Variants in CDYL2 observed in about 807,000 individuals in gnomAD.
CDYL2 encodes chromodomain Y-like protein 2.
In CDYL2, 23 loss-of-function variants were observed where a neutral mutation model predicts 49.4. The ratio of observed to expected loss-of-function variants is 0.47; its 90% CI spans 0.34 to 0.66. CDYL2 has a LOEUF of 0.66. Ranked by LOEUF, CDYL2 falls within the 30% of genes least tolerant of loss-of-function variation. The probability of loss-of-function intolerance (pLI) is 0.01; values close to 1 mark genes in which losing one functional copy is unlikely to be tolerated. For synonymous variants in CDYL2, 360 were observed against 268.8 expected (o/e 1.34, Z -3.32); for missense variants, 678 against 656.4 (o/e 1.03, Z -0.36).
intron 3 of CDYL2, among the ~76,000 whole-genome samples, chr16:80,621,417 G>A (rs1448387020): frequency 6.6e-6 from 1 of 152,190 alleles, no homozygotes; most frequent in Non-Finnish European, 1.5e-5. Context: ...GGTGCCACAT[G>A]GCAAGTGGGC....
chr16:80,675,040 A>T (rs1909686512), intron 2 of CDYL2, among the ~76,000 whole-genome samples: 1 of 152,210 alleles, frequency 6.6e-6, no homozygotes, highest in Admixed American at 6.5e-5. Context: ...GGCCCTAAGG[A>T]AAATCACCAG....
intron 1 of CDYL2, among the ~76,000 whole-genome samples, chr16:80,701,240 T>A (rs1294473292): frequency 6.6e-6 from 1 of 152,236 alleles, no homozygotes; most frequent in Non-Finnish European, 1.5e-5. Context: ...CCCATTTATG[T>A]CAAAATATGC....
intron 1 of CDYL2, among the ~76,000 whole-genome samples, chr16:80,695,339 A>G (rs962575434): frequency 5.3e-5 from 8 of 152,254 alleles, no homozygotes; most frequent in Admixed American, 2.6e-4. Flanking sequence ...AAAGCGGAAG[A>G]AAGAAACAAA....
chr16:80,615,412 G>A (rs894759039), intron 4 of CDYL2, among the ~76,000 whole-genome samples: 20 of 152,136 alleles, frequency 1.3e-4, no homozygotes, highest in Non-Finnish European at 2.5e-4. Context: ...TCTCAGAGGT[G>A]GGAAGGACTT....
At chr16:80,722,239 A>C (rs1401291399) in intron 1 of CDYL2, among the ~76,000 whole-genome samples, 1 of 152,226 alleles carries the variant, frequency 6.6e-6, no homozygotes, top group African/African-American at 2.4e-5. Flanking sequence ...TAAGTGAATG[A>C]AAAAACCAAT....
intron 1 of CDYL2, among the ~76,000 whole-genome samples, chr16:80,716,722 G>C (rs1235033380): frequency 2.6e-5 from 4 of 151,982 alleles, no homozygotes; most frequent in African/African-American, 7.2e-5. Context: ...TATAGTGATG[G>C]ATGGATAATG....
intron 1 of CDYL2, among the ~76,000 whole-genome samples, chr16:80,742,611 A>AGAAT (rs1183429185): frequency 6.6e-6 from 1 of 151,022 alleles, no homozygotes; most frequent in Non-Finnish European, 1.5e-5. Context: ...GGATGGATGG[A>AGAAT]GAATGAATGG....
chr16:80,636,139 T>G (rs1343517201), intron 2 of CDYL2, among the ~76,000 whole-genome samples: 1 of 152,130 alleles, frequency 6.6e-6, no homozygotes, highest in East Asian at 1.9e-4. Context: ...ATTCAGGACA[T>G]AGGCATGGGC....
intron 2 of CDYL2, among the ~76,000 whole-genome samples, chr16:80,633,670 C>A (rs190122025): frequency 7.2e-5 from 11 of 152,254 alleles, no homozygotes; most frequent in African/African-American, 2.2e-4. Flanking sequence ...AATACATTCA[C>A]GAGCATGACC....
intron 2 of CDYL2, among the ~76,000 whole-genome samples, chr16:80,659,283 T>G (rs1157279196): frequency 6.6e-6 from 1 of 151,930 alleles, no homozygotes; most frequent in African/African-American, 2.4e-5. Flanking sequence ...ACTGAAGAAC[T>G]GTTCCAGATT....
At chr16:80,712,064 T>A (rs181064836) in intron 1 of CDYL2, among the ~76,000 whole-genome samples, 1 of 150,416 alleles carries the variant, frequency 6.6e-6, no homozygotes, top group Non-Finnish European at 1.5e-5. Flanking sequence ...TGTGTGTGTA[T>A]AGATGTGTGT....
intron 1 of CDYL2, among the ~76,000 whole-genome samples, chr16:80,775,079 A>G (rs1239911822): frequency 6.6e-6 from 1 of 152,026 alleles, no homozygotes; most frequent in Non-Finnish European, 1.5e-5. Flanking sequence ...AATTACATAT[A>G]TTCAACATAA....
At chr16:80,796,008 T>C (rs1907759893) in intron 1 of CDYL2, among the ~76,000 whole-genome samples, 1 of 152,222 alleles carries the variant, frequency 6.6e-6, no homozygotes, top group Admixed American at 6.5e-5. Flanking sequence ...ACAACAACCC[T>C]AACTGCATCA....
chr16:80,734,417 GACA>G (rs1398605039), intron 1 of CDYL2, among the ~76,000 whole-genome samples: 1 of 152,150 alleles, frequency 6.6e-6, no homozygotes, highest in East Asian at 1.9e-4. Flanking sequence ...GAGCCATGAG[GACA>G]ACAACACTAA....
In CDYL2 at chr16:80,804,201, T is replaced by A; in HGVS notation, c.-28A>T. On this transcript the variant is annotated 5_prime_UTR_variant, in exon 1 of 7. Coordinates refer to ENST00000570137, the MANE Select transcript of CDYL2 (RefSeq NM_152342.4). The stretch of plus-strand genomic sequence containing the variant: ...CAGGCTGCGGAACTTGGCTCGCCGG[T>A]GTGCGCGTCTGCTCGCTCGCGCCCT... The A allele has an allele frequency of 7.6e-7, 1 of 1,322,642 alleles. No individual in the cohort carries two copies. The highest frequency in any genetic ancestry group is 9.9e-7 in the Non-Finnish European group (1 of 1,007,886). 81.9% of individuals were successfully genotyped at this position (1,322,642 alleles called of 1,614,324 possible).
Position 80,599,882 on chromosome 16 carries a change from G to A in CDYL2, c.*4506C>T, listed in dbSNP as rs894981429. ...CTTATGGCCAAAGACAATCACCAAG[G>A]TGTCTATCTGGTCCCTGCCGCCATC... is the stretch of plus-strand genomic sequence containing the variant. On this transcript the variant is annotated 3_prime_UTR_variant, in exon 7 of 7. Coordinates refer to ENST00000570137, the MANE Select transcript of CDYL2 (RefSeq NM_152342.4). The A allele has an allele frequency of 6.6e-6, 1 of 152,152 alleles. No homozygotes were observed. Among genetic ancestry groups the A allele is most frequent in the East Asian group, 1.9e-4 (1 of 5,194 alleles). The allele number at this position is 152,152 out of a possible 1,614,324, so 9.4% of individuals were successfully genotyped here.
At chr16:80,629,251 G>C (rs1907443461) in intron 3 of CDYL2, among the ~76,000 whole-genome samples, 1 of 152,188 alleles carries the variant, frequency 6.6e-6, no homozygotes, top group African/African-American at 2.4e-5. Context: ...ATGGATTACA[G>C]GGCAGGAAGC....
chr16:80,752,295 G>A (rs1344780143), intron 1 of CDYL2, among the ~76,000 whole-genome samples: 1 of 152,118 alleles, frequency 6.6e-6, no homozygotes, highest in Non-Finnish European at 1.5e-5. Context: ...TGGAGACCTG[G>A]TGGGAAAGTC....
intron 5 of CDYL2, among the ~76,000 whole-genome samples, chr16:80,611,473 G>A (rs1906592163): frequency 1.3e-5 from 2 of 152,142 alleles, no homozygotes; most frequent in Non-Finnish European, 2.9e-5. Context: ...GCCGTCAAAG[G>A]AAGCCCAGAC....
Sources: gnomAD v4.1 joint callset for allele counts (sites outside exome capture counted in the v4.1 genomes callset) on GRCh38, gnomAD v4.1.1 for gene constraint, MANE v1.5 for transcripts, NCBI Gene and HGNC (gene_info 2026-07-23, HGNC 2026-07-21) for gene names.